Variants in SPAG9 observed in about 807,000 individuals in gnomAD.
The protein encoded by SPAG9 is C-Jun-amino-terminal kinase-interacting protein 4.
In SPAG9, 35 loss-of-function variants were observed where a neutral mutation model predicts 166.5. The observed-to-expected ratio is 0.21, with a 90% CI of 0.16 to 0.28. The LOEUF is 0.28. Ranked by LOEUF, SPAG9 falls within the 10% of genes least tolerant of loss-of-function variation. The pLI, the probability that SPAG9 is intolerant of heterozygous loss-of-function variation, is 1.00. For missense variants in SPAG9, 1,235 were observed against 1,603.3 expected (o/e 0.77, Z 3.92); for synonymous variants, 534 against 565.5 (o/e 0.94, Z 0.79).
Position 51,080,886 on chromosome 17 carries a change from C to CAAAAA in SPAG9, c.304-1187_304-1183dup, listed in dbSNP as rs200436430. Among the ~76,000 whole-genome samples, 75 of 67,844 alleles carry CAAAAA rather than the reference C, an allele frequency of 1.1e-3. 12 individuals carry two copies. Among genetic ancestry groups the CAAAAA allele is most frequent in the African/African-American group, 5.4e-3 (61 of 11,334 alleles). The allele number at this position is 67,844 out of a possible 152,430, so 44.5% of individuals were successfully genotyped here. On this transcript the variant is annotated intron_variant, in intron 1 of 29. Transcript: ENST00000262013. ...TGGGCTACAGAGCAAGACTCTATCT[C>CAAAAA]AAAAAAAAAAAAAAAAAAAAAAAAA...
chr17:50,991,815 G>C (rs1222696717), intron 19 of SPAG9, among the ~76,000 whole-genome samples: 1 of 151,032 alleles, frequency 6.6e-6, no homozygotes, highest in Non-Finnish European at 1.5e-5. Flanking sequence ...GTAGAAACGG[G>C]GTTTTACCAT....
intron 3 of SPAG9, among the ~76,000 whole-genome samples, chr17:51,050,442 T>C (rs923994876): frequency 6.6e-6 from 1 of 152,194 alleles, no homozygotes; most frequent in Non-Finnish European, 1.5e-5. Context: ...ACTTTTCAAG[T>C]TGTCACTAGC....
intron 12 of SPAG9, among the ~76,000 whole-genome samples, chr17:51,002,436 G>T (rs751669393): frequency 2.0e-5 from 3 of 152,002 alleles, no homozygotes; most frequent in Non-Finnish European, 4.4e-5. Flanking sequence ...AGTAGTGTGG[G>T]TCTGTTCTCA....
chr17:51,040,394 G>C (rs1331560310), intron 5 of SPAG9: 2 of 152,138 alleles, frequency 1.3e-5, no homozygotes, highest in African/African-American at 2.4e-5. Context: ...TTTTCAGTGG[G>C]AGAAAAGCTA....
At chr17:51,009,992 C>T (rs1198663310) in intron 9 of SPAG9, among the ~76,000 whole-genome samples, 1 of 151,774 alleles carries the variant, frequency 6.6e-6, no homozygotes, top group African/African-American at 2.4e-5. Context: ...CATTTCTATT[C>T]AAGACTTAAA....
intron 8 of SPAG9, 110 bp downstream of exon 8, chr17:51,020,049 T>C: frequency 1.5e-6 from 1 of 660,048 alleles, no homozygotes; most frequent in Non-Finnish European, 2.7e-6. Flanking sequence ...AATACTAACA[T>C]TTCTTCAACA....
chr17:51,089,587 C>A (rs1314176086), intron 1 of SPAG9, among the ~76,000 whole-genome samples: 6 of 103,858 alleles, frequency 5.8e-5, no homozygotes, highest in South Asian at 3.4e-4. Context: ...ATGTGTATAT[C>A]TACTTATTAT....
chr17:51,000,577 A>T (rs1004888309), intron 13 of SPAG9, among the ~76,000 whole-genome samples: 1 of 152,090 alleles, frequency 6.6e-6, no homozygotes, highest in Non-Finnish European at 1.5e-5. Flanking sequence ...CTACTAAAAA[A>T]TACAAAAATT....
At chr17:51,068,999 A>G (rs1326625900) in intron 2 of SPAG9, among the ~76,000 whole-genome samples, 1 of 152,246 alleles carries the variant, frequency 6.6e-6, no homozygotes, top group East Asian at 1.9e-4. Flanking sequence ...TTTCCCACTC[A>G]TATGTAGGCT....
Position 50,993,868 on chromosome 17 carries a change from T to G in SPAG9, c.2294A>C (p.His765Pro). The G allele has an allele frequency of 6.2e-7, 1 of 1,614,196 alleles. No homozygotes were observed. The highest frequency in any genetic ancestry group is 8.5e-7 in the Non-Finnish European group (1 of 1,180,012). The change falls in exon 19 of 30, where the codon CAT becomes CCT. Residue 765 changes from histidine (H) to proline (P), a missense_variant. His to Pro is a moderately conservative substitution (Grantham distance 77). Coordinates refer to ENST00000262013, the MANE Select transcript of SPAG9 (RefSeq NM_001130528.3). ...AATAATAAGAACTTTTGTAGCCGAA[T>G]GAGTGCTGGTACAGATCCAAACTAG... The part of the protein sequence containing the change: ...SSLVWICTST[H>P]SATKVLIIDA...
chr17:51,114,709 T>C (rs9892270), intron 1 of SPAG9, among the ~76,000 whole-genome samples: 7,731 of 152,208 alleles, frequency 0.051, 657 homozygotes, highest in African/African-American at 0.18. Context: ...CCCAGCACTT[T>C]GGGAGGTTGA....
In SPAG9 at chr17:50,985,812, G is replaced by A. The variant is rs779357605; in HGVS notation, c.2940-34C>T. The A allele has an allele frequency of 2.5e-5, 31 of 1,257,034 alleles. No individual in the cohort carries two copies. In the East Asian group the frequency reaches 7.2e-4, roughly 29 times the overall value. The allele number at this position is 1,257,034 out of a possible 1,614,324, so 77.9% of individuals were successfully genotyped here. On this transcript the variant is annotated intron_variant, in intron 22 of 29. Transcript: ENST00000262013. ...ACAAAGTCAACACTGGTAAGGCATA[G>A]AGAACATCAAGACATTGCATATATC...
intron 9 of SPAG9, among the ~76,000 whole-genome samples, chr17:51,012,496 G>A (rs1344330683): frequency 6.6e-6 from 1 of 151,658 alleles, no homozygotes; most frequent in Non-Finnish European, 1.5e-5. Context: ...CTTGAACCAG[G>A]GAGGCAGAGG....
At chr17:51,013,171 G>A (rs970527540) in intron 9 of SPAG9, among the ~76,000 whole-genome samples, 2 of 152,078 alleles carry the variant, frequency 1.3e-5, no homozygotes, top group African/African-American at 4.8e-5. Context: ...ATTAACAAAC[G>A]AAACCTTTTG....
At chr17:51,055,334 C>T (rs886601002) in intron 3 of SPAG9, among the ~76,000 whole-genome samples, 1 of 151,716 alleles carries the variant, frequency 6.6e-6, no homozygotes, top group Non-Finnish European at 1.5e-5. Flanking sequence ...GCTTGGGCAA[C>T]AGAGCAAGAC....
In SPAG9 at chr17:50,989,793, C is replaced by A. The variant is rs146477955; in HGVS notation, c.2697G>T (p.Ala899=). Residue 899 remains alanine, a synonymous_variant, in exon 21 of 30, where the codon GCG becomes GCT. Coordinates refer to ENST00000262013, the MANE Select transcript of SPAG9 (RefSeq NM_001130528.3). The stretch of plus-strand genomic sequence containing the variant: ...TGTCCACTGTGTCTTCAGCTGACCC[C>A]GCATTCCCTTCTGTAGCTTCAGTTG... ...EEATEATEGN[A]GSAEDTVDIS... is the part of the protein sequence containing the mutation. The A allele has an allele frequency of 6.2e-7, 1 of 1,614,148 alleles. No individual in the cohort carries two copies. The highest frequency in any genetic ancestry group is 1.1e-5 in the South Asian group (1 of 91,078).
intron 21 of SPAG9, 77 bp downstream of exon 21, chr17:50,989,600 G>T: frequency 8.9e-7 from 1 of 1,122,008 alleles, no homozygotes; most frequent in South Asian, 1.3e-5. Flanking sequence ...GAAATCTTTT[G>T]ACTGTTTGAG....
At chr17:51,088,749 G>A (rs1237617368) in intron 1 of SPAG9, among the ~76,000 whole-genome samples, 1 of 151,772 alleles carries the variant, frequency 6.6e-6, no homozygotes, top group Non-Finnish European at 1.5e-5. Context: ...AGTGAGCCGA[G>A]ATCGTGCCAC....
intron 1 of SPAG9, among the ~76,000 whole-genome samples, chr17:51,095,765 CATATAGTGATAT>C (rs1439906161): frequency 3.2e-4 from 45 of 138,648 alleles, no homozygotes; most frequent in Admixed American, 2.6e-3. Flanking sequence ...TAGTGATATA[CATATAGTGATAT>C]ATATAGTGAT....
Sources: allele counts gnomAD v4.1 joint callset (sites outside exome capture counted in the v4.1 genomes callset), GRCh38; gene constraint gnomAD v4.1.1; transcripts MANE v1.5; gene names NCBI Gene and HGNC (gene_info 2026-07-23, HGNC 2026-07-21).